Variants in CDK8 observed in about 807,000 individuals in gnomAD.
CDK8 encodes cyclin dependent kinase 8, also known as cyclin-dependent kinase 8.
In CDK8, 29 loss-of-function variants were observed where a neutral mutation model predicts 71.5. That is an observed-to-expected ratio of 0.41 (90% confidence interval 0.30 to 0.55). CDK8 has a LOEUF of 0.55. Among genes scored for constraint, CDK8 ranks in the 20% least tolerant of loss-of-function variants. CDK8 has a pLI of 0.37. For missense variants in CDK8, 288 were observed against 572.6 expected, an observed-to-expected ratio of 0.50 and a Z score of 5.07; for synonymous variants, 161 against 192.1, an observed-to-expected ratio of 0.84 and a Z score of 1.34.
chr13:26,255,864 A>G (rs1871500234), intron 1 of CDK8, among the ~76,000 whole-genome samples: 1 of 152,214 alleles, frequency 6.6e-6, no homozygotes, highest in African/African-American at 2.4e-5. Context: ...TGTTCAGACT[A>G]CATTAGCACG....
chr13:26,402,003 T>C (rs1876282994), intron 12 of CDK8, among the ~76,000 whole-genome samples: 1 of 152,224 alleles, frequency 6.6e-6, no homozygotes, highest in African/African-American at 2.4e-5. Context: ...GCTATTGTTT[T>C]GGAACAATGT....
intron 1 of CDK8, among the ~76,000 whole-genome samples, chr13:26,274,094 A>G (rs1225939337): frequency 5.3e-5 from 8 of 152,158 alleles, no homozygotes; most frequent in African/African-American, 1.7e-4. Context: ...GCATCTTTGT[A>G]GACACTCATG....
chr13:26,258,021 C>G (rs908360771), intron 1 of CDK8, among the ~76,000 whole-genome samples: 3 of 151,968 alleles, frequency 2.0e-5, no homozygotes, highest in African/African-American at 7.3e-5. Context: ...AGCTAAATTA[C>G]TGAGTAATTA....
chr13:26,404,164 C>CTGGTATGGTATGGTATGGTATGTGGT lies in CDK8; in HGVS notation c.*83_*84insTGGTATGGTATGGTATGGTATGTGGT. On this transcript the variant is annotated 3_prime_UTR_variant, in exon 13 of 13. Coordinates refer to ENST00000381527, the MANE Select transcript of CDK8 (RefSeq NM_001260.3). ...CTCTCTGCGGGAACCTGGTATGGGC[C>CTGGTATGGTATGGTATGGTATGTGGT]ATGAGAATGTACTGTACAACCACAT... 6.7e-6 allele frequency: 10 copies of CTGGTATGGTATGGTATGGTATGTGGT among 1,491,822 alleles called. No homozygotes were observed. The highest frequency in any genetic ancestry group is 9.2e-6 in the Non-Finnish European group (10 of 1,089,468). The allele number at this position is 1,491,822 out of a possible 1,614,324, so 92.4% of individuals were successfully genotyped here.
chr13:26,395,452 C>T (rs1007598757), intron 7 of CDK8, among the ~76,000 whole-genome samples: 4 of 149,754 alleles, frequency 2.7e-5, no homozygotes, highest in Admixed American at 6.7e-5. Context: ...CATTGCACTC[C>T]GGCCTGGGCT....
At chr13:26,359,900 G>T (rs1244705822) in intron 4 of CDK8, 1 of 226,770 alleles carries the variant, frequency 4.4e-6, no homozygotes, top group Non-Finnish European at 9.1e-6. Flanking sequence ...ATTTTTAGTA[G>T]AGACAGAGTT....
intron 1 of CDK8, among the ~76,000 whole-genome samples, chr13:26,280,228 G>GAAACT (rs1872689413): frequency 6.6e-6 from 1 of 152,200 alleles, no homozygotes; most frequent in Admixed American, 6.5e-5. Context: ...TGGTGGCTAA[G>GAAACT]AAACTTAAAT....
rs751818399 is a variant in CDK8, at chr13:26,349,179, C to T, written c.312C>T (p.Leu104=). The change falls in exon 3 of 13, where the codon CTC becomes CTT. Residue 104 remains leucine (L), a synonymous_variant. Transcript: ENST00000381527. The part of the protein sequence containing the change: ...WLLFDYAEHD[L]WHIIKFHRAS... Reference sequence around the variant, plus strand: ...TGTTTGACTATGCTGAACATGACCTCTGGGTAAGGTGAATTGCTGGCAGAC... The same window carrying T: ...TGTTTGACTATGCTGAACATGACCTTTGGGTAAGGTGAATTGCTGGCAGAC... The T allele has an allele frequency of 6.4e-7, 1 of 1,568,300 alleles. No homozygotes were observed. The highest frequency in any genetic ancestry group is 8.8e-7 in the Non-Finnish European group (1 of 1,142,446).
intron 4 of CDK8, among the ~76,000 whole-genome samples, chr13:26,366,761 T>C (rs889098193): frequency 2.0e-5 from 3 of 152,194 alleles, no homozygotes; most frequent in African/African-American, 7.2e-5. Flanking sequence ...TAGTTTAAGA[T>C]GCCTATTTAA....
chr13:26,257,603 G>C (rs1871580602), intron 1 of CDK8, among the ~76,000 whole-genome samples: 1 of 152,120 alleles, frequency 6.6e-6, no homozygotes, highest in African/African-American at 2.4e-5. Context: ...AAGCAGGGGG[G>C]TTCATTTTCT....
chr13:26,348,635 C>T (rs966464437), intron 2 of CDK8, among the ~76,000 whole-genome samples: 5 of 151,798 alleles, frequency 3.3e-5, no homozygotes, highest in African/African-American at 1.2e-4. Context: ...GTTTCTGATG[C>T]CAAAAAGGTT....
intron 9 of CDK8, 43 bp from the exon 10 acceptor site, chr13:26,400,410 G>T (rs1220858974): frequency 2.6e-6 from 3 of 1,167,716 alleles, no homozygotes; most frequent in Non-Finnish European, 3.9e-6. Flanking sequence ...AAAGATAACT[G>T]TGAGAAGCAA....
intron 1 of CDK8, among the ~76,000 whole-genome samples, chr13:26,300,614 T>G (rs891347486): frequency 3.3e-5 from 5 of 152,180 alleles, no homozygotes; most frequent in African/African-American, 9.7e-5. Context: ...TAATCAGTCT[T>G]GGAACTTACT....
At chr13:26,295,123 G>A (rs793114) in intron 1 of CDK8, among the ~76,000 whole-genome samples, 126,280 of 152,146 alleles carry the variant, frequency 0.83, 54,078 homozygotes, top group East Asian at 1. Context: ...CTTATTAAAG[G>A]TTTTTCTTAA....
chr13:26,301,114 G>T (rs1873805950), intron 1 of CDK8, among the ~76,000 whole-genome samples: 1 of 151,886 alleles, frequency 6.6e-6, no homozygotes. Flanking sequence ...TCTGCAGCTA[G>T]AGAGTATTGT....
chr13:26,332,078 G>A (rs1872782624), intron 1 of CDK8, among the ~76,000 whole-genome samples: 2 of 152,132 alleles, frequency 1.3e-5, no homozygotes, highest in African/African-American at 2.4e-5. Flanking sequence ...AGCTTTTTAA[G>A]TGAGATTGAC....
intron 7 of CDK8, among the ~76,000 whole-genome samples, chr13:26,394,296 T>G (rs1175095389): frequency 6.6e-6 from 1 of 152,214 alleles, no homozygotes; most frequent in Non-Finnish European, 1.5e-5. Flanking sequence ...TACCTGGGAC[T>G]TTTAATTCTA....
intron 6 of CDK8, 149 bp from the exon 7 acceptor site, chr13:26,393,218 A>G (rs1233387592): frequency 1.1e-5 from 6 of 567,248 alleles, no homozygotes. Flanking sequence ...AGGAATTAAT[A>G]TGAGTTATTA....
intron 6 of CDK8, among the ~76,000 whole-genome samples, chr13:26,392,875 TAAATA>T (rs1875817091): frequency 6.6e-6 from 1 of 152,196 alleles, no homozygotes; most frequent in African/African-American, 2.4e-5. Context: ...AATTAGCAAG[TAAATA>T]AAATAAAAAA....
Sources: gnomAD v4.1 joint callset for allele counts (sites outside exome capture counted in the v4.1 genomes callset) on GRCh38, gnomAD v4.1.1 for gene constraint, MANE v1.5 for transcripts, NCBI Gene and HGNC (gene_info 2026-07-23, HGNC 2026-07-21) for gene names.